Variants in PSD3 observed in about 807,000 individuals in gnomAD.
The protein encoded by PSD3 is pleckstrin and Sec7 domain containing 3.
A neutral mutation model predicts 105.5 loss-of-function variants in PSD3; 49 were observed. The observed-to-expected ratio is 0.46, with a 90% CI of 0.37 to 0.59. The LOEUF is 0.59. Ranked by LOEUF, PSD3 falls within the 20% of genes least tolerant of loss-of-function variation. PSD3 has a pLI of 0.00. For synonymous variants in PSD3, 557 were observed against 457.8 expected, an observed-to-expected ratio of 1.22 and a Z score of -2.77; for missense variants, 1,561 against 1,263.8, an observed-to-expected ratio of 1.24 and a Z score of -3.57.
intron 1 of PSD3, among the ~76,000 whole-genome samples, chr8:19,023,235 C>G (rs1261387593): frequency 6.6e-6 from 1 of 152,182 alleles, no homozygotes; most frequent in Non-Finnish European, 1.5e-5. Context: ...CTATTTCTCA[C>G]AGCTATGCTG....
At position 18,794,103 on chromosome 8, in the gene PSD3, C is replaced by G. The variant is rs552648678; in HGVS notation, c.2082+5192G>C. Reference sequence around the variant, plus strand: ...ACCCCCAACCCTGTGCTCTCTGAAACGTGTGCTGTGTCAACTCAGAGTTGA... The same window carrying G: ...ACCCCCAACCCTGTGCTCTCTGAAAGGTGTGCTGTGTCAACTCAGAGTTGA... On this transcript the variant is annotated intron_variant, in intron 8 of 15. Transcript: ENST00000327040. 6.8e-5 allele frequency among the ~76,000 whole-genome samples: 2 copies of G among 29,406 alleles called. 1 individual carries two copies. The highest frequency in any genetic ancestry group is 2.1e-4 in the Non-Finnish European group (2 of 9,318). 19.3% of individuals were successfully genotyped at this position (29,406 alleles called of 152,430 possible).
intron 12 of PSD3, among the ~76,000 whole-genome samples, chr8:18,590,557 G>T (rs946628582): frequency 6.6e-6 from 1 of 152,080 alleles, no homozygotes; most frequent in Admixed American, 6.6e-5. Flanking sequence ...CTTTCTGGAG[G>T]TAATTTAGAA....
At chr8:18,906,562 G>T (rs1819861676) in intron 2 of PSD3, among the ~76,000 whole-genome samples, 2 of 152,066 alleles carry the variant, frequency 1.3e-5, no homozygotes, top group Non-Finnish European at 2.9e-5. Context: ...GTATATGAGG[G>T]GCACAAACAC....
intron 9 of PSD3, among the ~76,000 whole-genome samples, chr8:18,761,764 T>C (rs552645610): frequency 2.6e-5 from 4 of 152,338 alleles, no homozygotes; most frequent in African/African-American, 4.8e-5. Context: ...TTCTCTTCCA[T>C]TGTCCCCAAG....
chr8:19,075,283 T>C (rs1222973501), intron 1 of PSD3, among the ~76,000 whole-genome samples: 1 of 152,140 alleles, frequency 6.6e-6, no homozygotes, highest in African/African-American at 2.4e-5. Context: ...TTTATTTTCC[T>C]TGTAGAGATA....
chr8:18,576,614 G>A (rs1220897355), intron 12 of PSD3, among the ~76,000 whole-genome samples: 2 of 152,088 alleles, frequency 1.3e-5, no homozygotes, highest in East Asian at 1.9e-4. Context: ...ATTTTCATCA[G>A]AGTAGGAATT....
chr8:18,959,640 C>A (rs1339842119), intron 1 of PSD3, among the ~76,000 whole-genome samples: 1 of 152,118 alleles, frequency 6.6e-6, no homozygotes, highest in Non-Finnish European at 1.5e-5. Flanking sequence ...ACTAAGAGAA[C>A]TGGGAATCAA....
Position 18,627,299 on chromosome 8 carries a change from G to C in PSD3, c.2410+5314C>G, listed in dbSNP as rs1299636835. ...TAAGAAAGGAGTTTAGTGATGCTGAGAGGGCTAGAATTTGTAGAGCTGCGT... is the reference window on the plus strand; with the variant it reads ...TAAGAAAGGAGTTTAGTGATGCTGACAGGGCTAGAATTTGTAGAGCTGCGT... On this transcript the variant is annotated intron_variant, in intron 11 of 15. Transcript: ENST00000327040. 2.0e-5 allele frequency among the ~76,000 whole-genome samples: 3 copies of C among 152,002 alleles called. No individual in the cohort carries two copies. In the East Asian group the frequency reaches 5.8e-4, roughly 29 times the overall value.
intron 9 of PSD3, among the ~76,000 whole-genome samples, chr8:18,663,826 G>T (rs1282009828): frequency 6.6e-6 from 1 of 152,186 alleles, no homozygotes; most frequent in African/African-American, 2.4e-5. Flanking sequence ...CAACTTGAAG[G>T]TTTGTGGCTA....
At chr8:18,620,693 G>C (rs548121444) in intron 11 of PSD3, among the ~76,000 whole-genome samples, 3 of 152,268 alleles carry the variant, frequency 2.0e-5, no homozygotes, top group South Asian at 2.1e-4. Flanking sequence ...CTGGGTGAGT[G>C]AGCAAGGACC....
chr8:18,596,376 A>G (rs918999571), intron 12 of PSD3, among the ~76,000 whole-genome samples: 2 of 152,046 alleles, frequency 1.3e-5, no homozygotes, highest in African/African-American at 4.8e-5. Context: ...AAGAAACAAT[A>G]AAGATTAGAG....
intron 2 of PSD3, among the ~76,000 whole-genome samples, chr8:18,901,839 G>C (rs1039943288): frequency 6.6e-6 from 1 of 152,028 alleles, no homozygotes; most frequent in South Asian, 2.1e-4. Flanking sequence ...TCAGCTCTTT[G>C]ACTATGTATC....
chr8:18,803,589 T>C (rs939677571), intron 6 of PSD3, among the ~76,000 whole-genome samples: 1 of 152,020 alleles, frequency 6.6e-6, no homozygotes. Flanking sequence ...TTCCCCATAA[T>C]GGGGTATTAC....
At chr8:18,593,557 A>T (rs13275768) in intron 12 of PSD3, among the ~76,000 whole-genome samples, 6 of 152,148 alleles carry the variant, frequency 3.9e-5, no homozygotes, top group Non-Finnish European at 4.4e-5. Context: ...ATTGTGGAAG[A>T]CAGTGTGGTG....
chr8:19,025,414 T>G (rs1827513992), intron 1 of PSD3, among the ~76,000 whole-genome samples: 1 of 152,192 alleles, frequency 6.6e-6, no homozygotes, highest in African/African-American at 2.4e-5. Flanking sequence ...CACTCCCCTT[T>G]CTTGAGTGTG....
At chr8:18,906,768 C>T in intron 2 of PSD3, among the ~76,000 whole-genome samples, 1 of 152,054 alleles carries the variant, frequency 6.6e-6, no homozygotes, top group East Asian at 1.9e-4. Context: ...TACAGTCATG[C>T]ACCATATAAG....
Position 18,803,391 on chromosome 8 carries a change from G to GTGTGTGTGTC in PSD3, c.1910+1130_1910+1131insGACACACACA, listed in dbSNP as rs1390625347. The GTGTGTGTGTC allele has an allele frequency of 6.8e-5, 10 of 146,580 alleles. No homozygotes were observed. In the Admixed American group the frequency reaches 6.9e-4, roughly 10 times the overall value. The allele number at this position is 146,580 out of a possible 1,614,324, so 9.1% of individuals were successfully genotyped here. On this transcript the variant is annotated intron_variant, in intron 6 of 15. Transcript: ENST00000327040. Reference sequence around the variant, plus strand: ...ATTCTAATTCTACAATCTATAAACTGTGTGTGTGTGTGTGTGTGTGTGTGT... The same window carrying GTGTGTGTGTC: ...ATTCTAATTCTACAATCTATAAACTGTGTGTGTGTCTGTGTGTGTGTGTGTGTGTGTGTGT...
intron 11 of PSD3, among the ~76,000 whole-genome samples, chr8:18,607,316 A>G (rs560603361): frequency 4.6e-5 from 7 of 152,346 alleles, no homozygotes; most frequent in Admixed American, 3.3e-4. Flanking sequence ...TAATTACAGA[A>G]GTAGTAATAG....
chr8:18,916,027 C>T lies in PSD3; in HGVS notation c.130+20007G>A, dbSNP rs578002381. 5.5e-4 allele frequency among the ~76,000 whole-genome samples: 84 copies of T among 151,834 alleles called. 2 individuals carry two copies. The South Asian group carries it at 0.016, about 29-fold the overall frequency. On this transcript the variant is annotated intron_variant, in intron 2 of 15. Transcript: ENST00000327040. ...AGGAGAATCGCTTGAACCCAGGAGG[C>T]GGAGGTTGCAGTGAGCGGAGATCGT...
Sources: gnomAD v4.1 joint callset for allele counts (sites outside exome capture counted in the v4.1 genomes callset) on GRCh38, gnomAD v4.1.1 for gene constraint, MANE v1.5 for transcripts, NCBI Gene and HGNC (gene_info 2026-07-23, HGNC 2026-07-21) for gene names.